TXLNB: variants seen among roughly 807,000 people sequenced by gnomAD.
The protein encoded by TXLNB is taxilin beta.
TXLNB carries 37 observed loss-of-function variants against 57.4 expected under a neutral mutation model. The ratio of observed to expected loss-of-function variants is 0.64; its 90% CI spans 0.50 to 0.85. TXLNB has a LOEUF of 0.85. TXLNB is among the 40% of genes least tolerant of loss of function. TXLNB has a pLI of 0.00. For synonymous variants in TXLNB, 302 were observed against 309.6 expected (o/e 0.98, Z 0.26); for missense variants, 848 against 825.6 (o/e 1.03, Z -0.33).
intron 7 of TXLNB, among the ~76,000 whole-genome samples, chr6:139,253,124 C>T (rs1429571388): frequency 2.0e-5 from 3 of 152,176 alleles, no homozygotes; most frequent in Non-Finnish European, 2.9e-5. Context: ...AGATTTTTCT[C>T]TCTCTTATTG....
At chr6:139,254,520 A>G (rs1582998578) in intron 7 of TXLNB, among the ~76,000 whole-genome samples, 1 of 152,172 alleles carries the variant, frequency 6.6e-6, no homozygotes, top group African/African-American at 2.4e-5. Context: ...CTGTGGCAGG[A>G]TGGTACTCCT....
At chr6:139,276,188 C>T (rs548472670) in intron 3 of TXLNB, among the ~76,000 whole-genome samples, 1 of 152,272 alleles carries the variant, frequency 6.6e-6, no homozygotes, top group East Asian at 1.9e-4. Flanking sequence ...AGTTGATGCA[C>T]ATATATAAAT....
intron 2 of TXLNB, among the ~76,000 whole-genome samples, chr6:139,288,078 C>T (rs917007309): frequency 1.9e-4 from 29 of 152,182 alleles, no homozygotes; most frequent in African/African-American, 6.8e-4. Flanking sequence ...GCCTGAAAGA[C>T]AAGATCAGAA....
At chr6:139,323,776 G>T in the TXLNB span, among the ~76,000 whole-genome samples, 3 of 152,030 alleles carry the variant, frequency 2.0e-5, no homozygotes, top group Admixed American at 6.6e-5. Context: ...GTTTTTCCGG[G>T]GCCCTAGTTT....
At chr6:139,222,492 G>A in the TXLNB span, among the ~76,000 whole-genome samples, 1 of 152,142 alleles carries the variant, frequency 6.6e-6, no homozygotes, top group Non-Finnish European at 1.5e-5. Flanking sequence ...ATACCTGATA[G>A]AACAAAATGG....
the TXLNB span, among the ~76,000 whole-genome samples, chr6:139,219,392 T>A: frequency 6.6e-6 from 1 of 152,162 alleles, no homozygotes; most frequent in African/African-American, 2.4e-5. Context: ...GGCACTGCTG[T>A]TCTCTCTGTG....
the TXLNB span, chr6:139,167,220 G>A: frequency 6.8e-6 from 11 of 1,614,036 alleles, no homozygotes; most frequent in East Asian, 2.2e-5. Flanking sequence ...CTGTGCCACC[G>A]GGCGCTCCCG....
At chr6:139,195,230 A>T in the TXLNB span, among the ~76,000 whole-genome samples, 1 of 152,264 alleles carries the variant, frequency 6.6e-6, no homozygotes, top group South Asian at 2.1e-4. Flanking sequence ...TATGCCTCCC[A>T]TGTCCACTTT....
downstream of TXLNB, among the ~76,000 whole-genome samples, chr6:139,235,308 G>A (rs1381262651): frequency 6.6e-6 from 1 of 152,138 alleles, no homozygotes; most frequent in Non-Finnish European, 1.5e-5. Flanking sequence ...ATTTTGTCTA[G>A]GAAGTAACTA....
At chr6:139,323,410 G>A in the TXLNB span, among the ~76,000 whole-genome samples, 1 of 151,678 alleles carries the variant, frequency 6.6e-6, no homozygotes, top group South Asian at 2.1e-4. Flanking sequence ...AGCCTCCCGA[G>A]TAACTGGGAC....
the TXLNB span, among the ~76,000 whole-genome samples, chr6:139,318,932 T>G: frequency 4.0e-5 from 6 of 149,974 alleles, no homozygotes; most frequent in Non-Finnish European, 8.8e-5. Context: ...TTAGATTGTC[T>G]TCCTTCCTTT....
the TXLNB span, among the ~76,000 whole-genome samples, chr6:139,319,579 T>A: frequency 9.2e-3 from 1,394 of 151,864 alleles, 25 homozygotes; most frequent in African/African-American, 0.032. Context: ...CTGGGCAACA[T>A]AGGGAGAACC....
At chr6:139,193,997 A>T in the TXLNB span, among the ~76,000 whole-genome samples, 3 of 150,048 alleles carry the variant, frequency 2.0e-5, no homozygotes, top group East Asian at 5.8e-4. Flanking sequence ...GCCCGCCACC[A>T]CGCCCGGCCA....
chr6:139,238,905 G>T (rs967017459), downstream of TXLNB, among the ~76,000 whole-genome samples: 4 of 152,136 alleles, frequency 2.6e-5, no homozygotes, highest in African/African-American at 4.8e-5. Flanking sequence ...AGGAGAATGG[G>T]CCAGGAAAAT....
At chr6:139,163,549 T>C in the TXLNB span, among the ~76,000 whole-genome samples, 48 of 152,210 alleles carry the variant, frequency 3.2e-4, no homozygotes, top group Middle Eastern at 3.4e-3. Flanking sequence ...AGATGGGGTT[T>C]CATCATGTTG....
At chr6:139,315,652 A>C in the TXLNB span, among the ~76,000 whole-genome samples, 1 of 152,218 alleles carries the variant, frequency 6.6e-6, no homozygotes, top group Non-Finnish European at 1.5e-5. Flanking sequence ...TTTGAGTTTC[A>C]GATTCCCTTT....
the TXLNB span, chr6:139,183,477 T>G: frequency 6.6e-6 from 1 of 152,194 alleles, no homozygotes; most frequent in South Asian, 2.1e-4. Flanking sequence ...CTGAAGTTAA[T>G]TTTTTTGTTG....
chr6:139,303,096 C>T, the TXLNB span, among the ~76,000 whole-genome samples: 1 of 152,022 alleles, frequency 6.6e-6, no homozygotes, highest in Non-Finnish European at 1.5e-5. Context: ...ATCCAAAGAC[C>T]TCTGAAAAAT....
rs147406258 is a variant in TXLNB at position 139,247,875 on chromosome 6, T to C, written c.1112A>G (p.Gln371Arg). ...TLYSGRFEEF[Q>R]STLTKSNEVF... ...CTCGTTGCTTTTAGTTAGTGTGCTC[T>C]GGAATTCTTCAAACCTTCCTGAGTA... The change falls in exon 8 of 10, where the codon CAG becomes CGG. Residue 371 changes from glutamine to arginine, a missense_variant. By Grantham distance (43) the Gln-to-Arg change is conservative. Transcript: ENST00000358430. 19 of 1,608,338 alleles carry C rather than the reference T, an allele frequency of 1.2e-5. No homozygotes were observed. Among genetic ancestry groups the C allele is most frequent in the Non-Finnish European group, 1.6e-5 (19 of 1,177,352 alleles).
Sources: gnomAD v4.1 joint callset for allele counts (sites outside exome capture counted in the v4.1 genomes callset) on GRCh38, gnomAD v4.1.1 for gene constraint, MANE v1.5 for transcripts, NCBI Gene and HGNC (gene_info 2026-07-23, HGNC 2026-07-21) for gene names.